Variants in CASR observed in about 807,000 individuals in gnomAD.
The protein encoded by CASR is extracellular calcium-sensing receptor.
In CASR, 23 loss-of-function variants were observed where a neutral mutation model predicts 69.1. The ratio of observed to expected loss-of-function variants is 0.33; its 90% CI spans 0.24 to 0.47. The LOEUF (loss-of-function observed/expected upper bound fraction) is 0.47, where lower values mean the gene tolerates loss of function less well. Ranked by LOEUF, CASR falls within the 20% of genes least tolerant of loss-of-function variation. CASR has a pLI of 1.00. For missense variants in CASR, 924 were observed against 1,356.1 expected (o/e 0.68, Z 5.00); for synonymous variants, 541 against 544.7 (o/e 0.99, Z 0.10).
At chr3:122,212,800 C>T (rs545556914) in intron 1 of CASR, among the ~76,000 whole-genome samples, 4 of 152,154 alleles carry the variant, frequency 2.6e-5, no homozygotes, top group South Asian at 2.1e-4. Flanking sequence ...TGCCACCATG[C>T]GTGGCTAATT....
chr3:122,260,704 A>AT (rs1491418181), intron 3 of CASR, among the ~76,000 whole-genome samples: 1 of 146,172 alleles, frequency 6.8e-6, no homozygotes, highest in East Asian at 2.0e-4. Flanking sequence ...AAAAAAAAAA[A>AT]GTGGGTCTGG....
At chr3:122,268,953 G>A (rs928195227) in intron 4 of CASR, among the ~76,000 whole-genome samples, 29 of 152,184 alleles carry the variant, frequency 1.9e-4, no homozygotes, top group Non-Finnish European at 2.6e-4. Flanking sequence ...GCATGTTTTG[G>A]TAAGGATTTT....
chr3:122,259,628 A>ATTTTTTTTTTTTTT, intron 3 of CASR, among the ~76,000 whole-genome samples: 1 of 122,236 alleles, frequency 8.2e-6, no homozygotes, highest in Non-Finnish European at 1.6e-5. Flanking sequence ...CACATTGGAA[A>ATTTTTTTTTTTTTT]TTTTTTTTTT....
In CASR at chr3:122,285,415, A is replaced by T; in HGVS notation, c.*224A>T. On this transcript the variant is annotated 3_prime_UTR_variant, in exon 7 of 7. Coordinates refer to ENST00000639785, the MANE Select transcript of CASR (RefSeq NM_000388.4). The stretch of plus-strand genomic sequence containing the variant: ...GTGTTTCTGTGGTTGCATTTGTCAA[A>T]GCATTGAGATCTCCACGGTCAGATT... The T allele has an allele frequency of 7.4e-6, 4 of 537,646 alleles. No individual in the cohort carries two copies. Among genetic ancestry groups the T allele is most frequent in the Non-Finnish European group, 1.0e-5 (3 of 299,070 alleles). 33.3% of individuals were successfully genotyped at this position (537,646 alleles called of 1,614,324 possible).
chr3:122,228,641 G>A (rs2074250017), intron 1 of CASR, among the ~76,000 whole-genome samples: 1 of 152,236 alleles, frequency 6.6e-6, no homozygotes, highest in South Asian at 2.1e-4. Flanking sequence ...AAGAGTAGAA[G>A]GGGCTGAACA....
chr3:122,234,607 A>G (rs915259351), intron 1 of CASR, among the ~76,000 whole-genome samples: 5 of 152,208 alleles, frequency 3.3e-5, no homozygotes, highest in African/African-American at 1.2e-4. Context: ...GTTATTTCAA[A>G]TAAGTAATGG....
chr3:122,188,802 A>G (rs1395642081), intron 1 of CASR, among the ~76,000 whole-genome samples: 2 of 152,188 alleles, frequency 1.3e-5, no homozygotes, highest in African/African-American at 4.8e-5. Flanking sequence ...CTCATATACA[A>G]TAAGCACTAA....
chr3:122,236,903 A>G (rs1200634148), intron 1 of CASR, among the ~76,000 whole-genome samples: 1 of 152,212 alleles, frequency 6.6e-6, no homozygotes, highest in Non-Finnish European at 1.5e-5. Flanking sequence ...AGGTGATTCT[A>G]TCTTTAAATT....
rs33974189 is a variant in CASR at position 122,285,371 on chromosome 3, T to TA, written c.*188dup. On this transcript the variant is annotated 3_prime_UTR_variant, in exon 7 of 7. Coordinates refer to ENST00000639785, the MANE Select transcript of CASR (RefSeq NM_000388.4). The stretch of plus-strand genomic sequence containing the variant: ...AATTGACCCATGTTCCCTTTAAAAT[T>TA]AAAAAAAAGAAGAGCCTTGTGTTTC... The TA allele has an allele frequency of 0.33, 189,953 of 575,118 alleles. 33,783 individuals carry two copies. Among genetic ancestry groups the TA allele is most frequent in the East Asian group, 0.54 (17,850 of 32,940 alleles). 35.6% of individuals were successfully genotyped at this position (575,118 alleles called of 1,614,324 possible).
intron 1 of CASR, among the ~76,000 whole-genome samples, chr3:122,184,862 T>C (rs113297406): frequency 6.6e-6 from 1 of 152,186 alleles, no homozygotes; most frequent in Non-Finnish European, 1.5e-5. Context: ...CAGAAAGGAC[T>C]CGCTTGCCAC....
intron 1 of CASR, chr3:122,246,465 T>G (rs1241456465): frequency 6.6e-6 from 1 of 152,130 alleles, no homozygotes; most frequent in Admixed American, 6.5e-5. Flanking sequence ...AGCCACAAAC[T>G]TGGCTTACAG....
intron 1 of CASR, among the ~76,000 whole-genome samples, chr3:122,189,629 T>G (rs1312137822): frequency 6.6e-6 from 1 of 152,202 alleles, no homozygotes; most frequent in Admixed American, 6.5e-5. Context: ...CTTCAACAAG[T>G]CTGTCACACA....
At chr3:122,276,084 G>T in intron 5 of CASR, 42 bp downstream of exon 5, 2 of 1,300,864 alleles carry the variant, frequency 1.5e-6, no homozygotes, top group South Asian at 2.4e-5. Flanking sequence ...TCCACCAGGG[G>T]CAGGAAACTG....
rs974760242 is a variant in CASR at position 122,283,622 on chromosome 3, A to G, written c.1733-65A>G. 1.0e-5 allele frequency: 13 copies of G among 1,301,650 alleles called. 1 individual carries two copies. In the South Asian group the frequency reaches 1.3e-4, roughly 13 times the overall value. The allele number at this position is 1,301,650 out of a possible 1,614,324, so 80.6% of individuals were successfully genotyped here. ...AAAAACTATGTATTCCCACCACCAC[A>G]TGTACACTCACACATTTTAGTCTGT... On this transcript the variant is annotated intron_variant, in intron 6 of 6. Coordinates refer to ENST00000639785, the MANE Select transcript of CASR (RefSeq NM_000388.4).
chr3:122,203,322 G>GA (rs1323327280), intron 1 of CASR, among the ~76,000 whole-genome samples: 1 of 152,156 alleles, frequency 6.6e-6, no homozygotes, highest in African/African-American at 2.4e-5. Context: ...GATATGTTCT[G>GA]AAAAATGCGT....
intron 1 of CASR, among the ~76,000 whole-genome samples, chr3:122,195,052 C>A (rs113357794): frequency 2.6e-5 from 4 of 151,952 alleles, no homozygotes; most frequent in African/African-American, 9.7e-5. Flanking sequence ...CTTCACTTCC[C>A]TCCATCCCTC....
chr3:122,283,716 G>A lies in CASR; in HGVS notation c.1762G>A (p.Asp588Asn). 6.2e-7 allele frequency: 1 copy of A among 1,614,150 alleles called. No individual in the cohort carries two copies. The change falls in exon 7 of 7, where the codon GAC becomes AAC. Residue 588 changes from aspartate (D) to asparagine (N), a missense_variant. By Grantham distance (23) the Asp-to-Asn change is conservative (BLOSUM62 1). This residue lies in a region of CASR where 18 missense variants were observed against 57.9 expected (regional missense o/e 0.31). Coordinates refer to ENST00000639785, the MANE Select transcript of CASR (RefSeq NM_000388.4). ...DASACNKCPD[D>N]FWSNENHTSC... ...CAGTGCCTGTAACAAGTGCCCAGATGACTTCTGGTCCAATGAGAACCACAC... is the reference window on the plus strand; with the variant it reads ...CAGTGCCTGTAACAAGTGCCCAGATAACTTCTGGTCCAATGAGAACCACAC...
intron 1 of CASR, among the ~76,000 whole-genome samples, chr3:122,234,016 G>T (rs1576838435): frequency 6.6e-6 from 1 of 152,182 alleles, no homozygotes; most frequent in East Asian, 1.9e-4. Context: ...CAAACTAGAG[G>T]ACCCTTACTC....
At chr3:122,236,740 G>A (rs748839244) in intron 1 of CASR, among the ~76,000 whole-genome samples, 42 of 152,238 alleles carry the variant, frequency 2.8e-4, no homozygotes, top group Middle Eastern at 3.4e-3. Context: ...CCAAATCATG[G>A]TACCAATTTC....
Sources: gnomAD v4.1 joint callset for allele counts (sites outside exome capture counted in the v4.1 genomes callset) on GRCh38, gnomAD v4.1.1 for gene constraint, gnomAD v4.1.1 regional missense constraint, MANE v1.5 for transcripts, NCBI Gene and HGNC (gene_info 2026-07-23, HGNC 2026-07-21) for gene names.